COMMD1: variants seen among roughly 807,000 people sequenced by gnomAD.
COMMD1 encodes the protein copper metabolism domain containing 1.
A neutral mutation model predicts 17.2 loss-of-function variants in COMMD1; 10 were observed. That is an observed-to-expected ratio of 0.58 (90% CI 0.36 to 0.99). COMMD1 has a LOEUF of 0.99. Ranked by LOEUF, COMMD1 falls within the 50% of genes least tolerant of loss-of-function variation. COMMD1 has a pLI of 0.01. For synonymous variants in COMMD1, 97 were observed against 91.6 expected (o/e 1.06, Z -0.34); for missense variants, 270 against 231.8 (o/e 1.17, Z -1.07).
At chr2:61,959,144 G>A (rs966548458) in intron 1 of COMMD1, among the ~76,000 whole-genome samples, 3 of 152,038 alleles carry the variant, frequency 2.0e-5, no homozygotes, top group Admixed American at 2.0e-4. Context: ...TACTGTTTAC[G>A]ATGGTTTCAC....
intron 2 of COMMD1, among the ~76,000 whole-genome samples, chr2:62,002,621 A>C (rs1668981487): frequency 6.7e-6 from 1 of 150,042 alleles, no homozygotes; most frequent in South Asian, 2.1e-4. Flanking sequence ...TGAGGTCAGG[A>C]GTTCAAGACC....
At chr2:62,019,440 G>T (rs561264498) in intron 2 of COMMD1, among the ~76,000 whole-genome samples, 1 of 152,088 alleles carries the variant, frequency 6.6e-6, no homozygotes, top group South Asian at 2.1e-4. Context: ...CTCCCAAAGT[G>T]CTGGGATTAT....
intron 1 of COMMD1, among the ~76,000 whole-genome samples, chr2:61,911,280 G>C (rs1572953116): frequency 1.3e-5 from 2 of 151,970 alleles, no homozygotes; most frequent in East Asian, 3.9e-4. Context: ...TTTGAGACCA[G>C]CCTGGCCAAC....
At chr2:62,124,067 A>G (rs1288523699) in intron 2 of COMMD1, among the ~76,000 whole-genome samples, 1 of 152,214 alleles carries the variant, frequency 6.6e-6, no homozygotes, top group Non-Finnish European at 1.5e-5. Flanking sequence ...TGGGAGGCCA[A>G]GGTGGGCAGA....
intron 1 of COMMD1, among the ~76,000 whole-genome samples, chr2:61,953,280 T>C (rs1337444790): frequency 6.6e-6 from 1 of 152,182 alleles, no homozygotes; most frequent in Admixed American, 6.5e-5. Context: ...AACGTGCTGC[T>C]GGGATTACAG....
intron 2 of COMMD1, among the ~76,000 whole-genome samples, chr2:62,019,394 C>T (rs1454094795): frequency 6.6e-6 from 1 of 151,858 alleles, no homozygotes; most frequent in African/African-American, 2.4e-5. Flanking sequence ...AGGCTGGTCC[C>T]AAACTCCTGA....
At chr2:62,034,447 T>C (rs1669990461) in intron 2 of COMMD1, among the ~76,000 whole-genome samples, 1 of 152,128 alleles carries the variant, frequency 6.6e-6, no homozygotes, top group Admixed American at 6.5e-5. Flanking sequence ...TGAGCCAAGA[T>C]CGTGCCACTG....
intron 2 of COMMD1, among the ~76,000 whole-genome samples, chr2:62,061,554 CTTTTTTTTTT>C (rs57638195): frequency 1.5e-5 from 2 of 131,542 alleles, no homozygotes; most frequent in East Asian, 2.2e-4. Flanking sequence ...TCTTTCTTTT[CTTTTTTTTTT>C]TTTTTTTTTG....
intron 2 of COMMD1, among the ~76,000 whole-genome samples, chr2:62,001,294 G>C (rs190590846): frequency 2.0e-5 from 3 of 152,186 alleles, no homozygotes; most frequent in Non-Finnish European, 4.4e-5. Context: ...GAATTTCCAA[G>C]GCAATGATAG....
intron 2 of COMMD1, among the ~76,000 whole-genome samples, chr2:62,023,078 T>G (rs1669652797): frequency 6.6e-6 from 1 of 152,050 alleles, no homozygotes; most frequent in Admixed American, 6.6e-5. Context: ...AATATAAAAT[T>G]AGCTGGGCAT....
chr2:61,992,494 C>T (rs1672276784), intron 1 of COMMD1, among the ~76,000 whole-genome samples: 2 of 152,152 alleles, frequency 1.3e-5, no homozygotes, highest in South Asian at 4.1e-4. Context: ...CATCAGCCCA[C>T]AGGTGGTCAC....
chr2:61,902,512 A>G (rs535072005), upstream of COMMD1, among the ~76,000 whole-genome samples: 1 of 151,890 alleles, frequency 6.6e-6, no homozygotes, highest in Non-Finnish European at 1.5e-5. Context: ...CTCCACCTTA[A>G]AAAAAAAGAA....
chr2:61,945,551 C>G (rs927072570), intron 1 of COMMD1, among the ~76,000 whole-genome samples: 5 of 152,156 alleles, frequency 3.3e-5, no homozygotes, highest in African/African-American at 1.2e-4. Context: ...AATGTAAACC[C>G]AAAATATTTG....
At chr2:61,930,614 GTT>G (rs925369969) in intron 1 of COMMD1, among the ~76,000 whole-genome samples, 3 of 109,464 alleles carry the variant, frequency 2.7e-5, no homozygotes, top group Non-Finnish European at 5.6e-5. Context: ...AAACCACAGG[GTT>G]TTGTGTGTGT....
chr2:61,995,036 C>T, intron 1 of COMMD1, among the ~76,000 whole-genome samples: 1 of 152,288 alleles, frequency 6.6e-6, no homozygotes, highest in East Asian at 1.9e-4. Context: ...CTCCATTGCC[C>T]TAGCCCTCTG....
chr2:62,029,375 T>C (rs926981719), intron 2 of COMMD1, among the ~76,000 whole-genome samples: 10 of 152,034 alleles, frequency 6.6e-5, no homozygotes, highest in Non-Finnish European at 1.2e-4. Flanking sequence ...TTTACCCCCT[T>C]TAAAATTTTT....
chr2:61,900,221 A>G (rs1326451665), intron 1 of COMMD1, among the ~76,000 whole-genome samples: 1 of 152,238 alleles, frequency 6.6e-6, no homozygotes, highest in Non-Finnish European at 1.5e-5. Flanking sequence ...AGTTACAGGC[A>G]AAGATGTAAG....
At chr2:61,949,579 G>A (rs1294580102) in intron 1 of COMMD1, among the ~76,000 whole-genome samples, 1 of 152,174 alleles carries the variant, frequency 6.6e-6, no homozygotes, top group African/African-American at 2.4e-5. Flanking sequence ...GATATCCAAA[G>A]AGAGAAGAAA....
chr2:62,104,596 T>C (rs1039124621), intron 2 of COMMD1, among the ~76,000 whole-genome samples: 1 of 142,006 alleles, frequency 7.0e-6, no homozygotes, highest in Non-Finnish European at 1.5e-5. Flanking sequence ...ATCGCGCCAC[T>C]GTACTCCAGC....
Sources: allele counts gnomAD v4.1 joint callset (sites outside exome capture counted in the v4.1 genomes callset), GRCh38; gene constraint gnomAD v4.1.1; transcripts MANE v1.5; gene names NCBI Gene and HGNC (gene_info 2026-07-23, HGNC 2026-07-21).